Variants in MATN1 observed in about 807,000 individuals in gnomAD.
MATN1 encodes matrilin 1.
A neutral mutation model predicts 41.3 loss-of-function variants in MATN1; 34 were observed. The observed-to-expected ratio is 0.82, with a 90% CI of 0.63 to 1.10. The LOEUF (loss-of-function observed/expected upper bound fraction) is 1.10, where lower values mean the gene tolerates loss of function less well. Ranked by LOEUF, MATN1 falls within the 50% of genes least tolerant of loss-of-function variation. The pLI, the probability that MATN1 is intolerant of heterozygous loss-of-function variation, is 0.00. For missense variants in MATN1, 602 were observed against 662.4 expected, an observed-to-expected ratio of 0.91 and a Z score of 1.00; for synonymous variants, 264 against 278.7, an observed-to-expected ratio of 0.95 and a Z score of 0.53.
At position 30,716,362 on chromosome 1, in the gene MATN1, G is replaced by A. The variant is rs1299704111; in HGVS notation, c.791-37C>T. 2.5e-6 allele frequency: 4 copies of A among 1,594,214 alleles called. No individual in the cohort carries two copies. In the South Asian group the frequency reaches 4.5e-5, roughly 18 times the overall value. The stretch of plus-strand genomic sequence containing the variant: ...AGGAAGGCAACGGGCTGAAGCTGAA[G>A]GACATAGTCAACCATCCTGCTCCCC... On this transcript the variant is annotated intron_variant, in intron 4 of 7. Transcript: ENST00000373765.
chr1:30,718,829 C>T lies in MATN1; in HGVS notation c.570G>A (p.Gln190=), dbSNP rs1281322949. Residue 190 remains glutamine (Q), a synonymous_variant, in exon 3 of 8, where the codon CAG becomes CAA. Transcript: ENST00000373765. ...VGSVDKATLR[Q]IASEPQDEHV... ...GTTCGTCCTGCGGCTCGCTGGCGAT[C>T]TGCCGCAGCGTGGCCTTGTCCACGC... is the stretch of plus-strand genomic sequence containing the variant. The T allele has an allele frequency of 6.2e-7, 1 of 1,609,648 alleles. No homozygotes were observed. The highest frequency in any genetic ancestry group is 8.5e-7 in the Non-Finnish European group (1 of 1,178,884).
chr1:30,718,780 T>C lies in MATN1; in HGVS notation c.619A>G (p.Ser207Gly). Residue 207 changes from serine (S) to glycine (G), a missense_variant, in exon 3 of 8, where the codon AGC becomes GGC. Physicochemically the swap from Ser to Gly is moderately conservative, Grantham distance 56. Coordinates refer to ENST00000373765, the MANE Select transcript of MATN1 (RefSeq NM_002379.3). ...TTCCTGGACAGCTTCTCGATGACGC[T>C]GTAGCTCTCCACGTAATCGACGTGT... The part of the protein sequence containing the change: ...DEHVDYVESY[S>G]VIEKLSRKFQ... 1.2e-6 allele frequency: 2 copies of C among 1,610,022 alleles called. No homozygotes were observed. Among genetic ancestry groups the C allele is most frequent in the Non-Finnish European group, 8.5e-7 (1 of 1,178,296 alleles).
intron 3 of MATN1, among the ~76,000 whole-genome samples, chr1:30,717,228 A>G (rs1328007699): frequency 6.6e-6 from 1 of 152,254 alleles, no homozygotes; most frequent in Non-Finnish European, 1.5e-5. Flanking sequence ...TGTCTAGAAC[A>G]GCATACAATG....
In MATN1 at chr1:30,717,642, G is replaced by GTTTTTTTTTT. The variant is rs751915676; in HGVS notation, c.665-737_665-728dup. Among the ~76,000 whole-genome samples, 10 of 109,978 alleles carry GTTTTTTTTTT rather than the reference G, an allele frequency of 9.1e-5. 1 individual carries two copies. Among genetic ancestry groups the GTTTTTTTTTT allele is most frequent in the African/African-American group, 2.6e-4 (6 of 23,044 alleles). The allele number at this position is 109,978 out of a possible 152,430, so 72.1% of individuals were successfully genotyped here. ...GGCTCTGTTGTTTTTTGTGTGTGCG[G>GTTTTTTTTTT]TTTTTTTTTTTGTTTTGTTTTTTTT... On this transcript the variant is annotated intron_variant, in intron 3 of 7. Coordinates refer to ENST00000373765, the MANE Select transcript of MATN1 (RefSeq NM_002379.3).
Position 30,715,194 on chromosome 1 carries a change from G to A in MATN1, c.1323C>T (p.Asn441=). ...TCTTCTGCAACTTCTTGCCTATCTG[G>A]TTGATGGTCTTGAAGTCAGCCGTGT... The part of the protein sequence containing the change: ...YFYTADFKTI[N]QIGKKLQKKI... The change falls in exon 6 of 8, where the codon AAC becomes AAT. Residue 441 remains asparagine, a synonymous_variant. Transcript: ENST00000373765. 6.2e-7 allele frequency: 1 copy of A among 1,614,210 alleles called. No individual in the cohort carries two copies. Among genetic ancestry groups the A allele is most frequent in the East Asian group, 2.2e-5 (1 of 44,890 alleles).
At chr1:30,720,781 G>A (rs1385792851) in intron 2 of MATN1, 1 of 152,720 alleles carries the variant, frequency 6.5e-6, no homozygotes, top group Non-Finnish European at 1.5e-5. Context: ...TACAAGTCCT[G>A]GGAAACGCTC....
At chr1:30,717,699 G>GA (rs1271440356) in intron 3 of MATN1, among the ~76,000 whole-genome samples, 10 of 140,344 alleles carry the variant, frequency 7.1e-5, no homozygotes, top group African/African-American at 2.8e-4. Context: ...CTGTCGCCCA[G>GA]GCTGGAGTGC....
At chr1:30,721,891 A>G in intron 1 of MATN1, 140 bp from the exon 2 acceptor site, 1 of 653,760 alleles carries the variant, frequency 1.5e-6, no homozygotes, top group Non-Finnish European at 2.6e-6. Context: ...TGGGCAGCTG[A>G]GCCCTTTTAT....
At chr1:30,722,971 C>T (rs916155687) in intron 1 of MATN1, among the ~76,000 whole-genome samples, 3 of 152,206 alleles carry the variant, frequency 2.0e-5, no homozygotes, top group Non-Finnish European at 2.9e-5. Flanking sequence ...CTTAGGCCCT[C>T]ACTGACCTCA....
chr1:30,715,636 C>T (rs1257412378), intron 5 of MATN1, among the ~76,000 whole-genome samples: 1 of 152,272 alleles, frequency 6.6e-6, no homozygotes, highest in African/African-American at 2.4e-5. Context: ...AGTAGAGTTG[C>T]CTTCCAATAG....
rs1346527984 is a variant in MATN1 at position 30,723,570 on chromosome 1, A to G, written c.-19T>C. The stretch of plus-strand genomic sequence containing the variant: ...CCCTCATAGTTCTGGCAGCACGGGC[A>G]GCAGCCGGCACGGTTGTGGGACCAG... On this transcript the variant is annotated 5_prime_UTR_variant, in exon 1 of 8. Transcript: ENST00000373765. 1 of 1,524,792 alleles carries G rather than the reference A, an allele frequency of 6.6e-7. No individual in the cohort carries two copies. The allele number at this position is 1,524,792 out of a possible 1,614,324, so 94.5% of individuals were successfully genotyped here. A position where few individuals can be genotyped will look rare whatever the true frequency, so the allele number is the denominator to read the frequency against.
At position 30,721,468 on chromosome 1, in the gene MATN1, G is replaced by A. The variant is rs551211511; in HGVS notation, c.378C>T (p.Phe126=). The stretch of plus-strand genomic sequence containing the variant: ...CATCGCCGAAGGCTTTGGTGATAGC[G>A]AACTGGATGGCCAGGCCGGTCATGG... The part of the protein sequence containing the change: ...TGTMTGLAIQ[F]AITKAFGDAE... Residue 126 remains phenylalanine (F), a synonymous_variant, in exon 2 of 8, where the codon TTC becomes TTT. Transcript: ENST00000373765. 22 of 1,613,650 alleles carry A rather than the reference G, an allele frequency of 1.4e-5. No individual in the cohort carries two copies. The highest frequency in any genetic ancestry group is 8.0e-5 in the African/African-American group (6 of 75,070).
chr1:30,717,018 C>G, intron 3 of MATN1, 103 bp from the exon 4 acceptor site: 6 of 1,313,566 alleles, frequency 4.6e-6, no homozygotes, highest in South Asian at 3.2e-5. Context: ...CATCCAGACT[C>G]AGGGAAACTA....
Position 30,716,104 on chromosome 1 carries a change from T to C in MATN1, c.1012A>G (p.Ile338Val). 1 of 1,614,236 alleles carries C rather than the reference T, an allele frequency of 6.2e-7. No individual in the cohort carries two copies. The highest frequency in any genetic ancestry group is 8.5e-7 in the Non-Finnish European group (1 of 1,180,038). ...GACATATTCCGCACAGCCGCCTTGATGTCCTTCTTGGTGTGGAAGCGACCC... is the reference window on the plus strand; with the variant it reads ...GACATATTCCGCACAGCCGCCTTGACGTCCTTCTTGGTGTGGAAGCGACCC... ...PLGRFHTKKD[I>V]KAAVRNMSYM... The change falls in exon 5 of 8, where the codon ATC (isoleucine) becomes GTC (valine). Residue 338 changes from isoleucine to valine, a missense_variant. Transcript: ENST00000373765.
At chr1:30,718,663 AG>A in intron 3 of MATN1, 71 bp downstream of exon 3, 5 of 963,774 alleles carry the variant, frequency 5.2e-6, no homozygotes, top group Non-Finnish European at 6.6e-6. Flanking sequence ...TCCCGCCTCC[AG>A]CCCTGGCCCC....
intron 5 of MATN1, among the ~76,000 whole-genome samples, chr1:30,715,632 G>C (rs1639606995): frequency 6.6e-6 from 1 of 152,158 alleles, no homozygotes; most frequent in South Asian, 2.1e-4. Flanking sequence ...CCAAAGTAGA[G>C]TTGCCTTCCA....
At chr1:30,721,884 G>C in intron 1 of MATN1, 133 bp from the exon 2 acceptor site, 1 of 669,096 alleles carries the variant, frequency 1.5e-6, no homozygotes, top group Non-Finnish European at 2.5e-6. Flanking sequence ...CTTCAGCTGG[G>C]CAGCTGAGCC....
intron 3 of MATN1, among the ~76,000 whole-genome samples, chr1:30,718,225 T>A (rs1264896293): frequency 2.1e-5 from 3 of 145,310 alleles, no homozygotes; most frequent in South Asian, 4.5e-4. Flanking sequence ...CGACGCTGAC[T>A]TTTTCTGTCT....
At chr1:30,719,059 C>T (rs1639664001) in intron 2 of MATN1, 102 bp from the exon 3 acceptor site, 2 of 934,438 alleles carry the variant, frequency 2.1e-6, no homozygotes, top group Non-Finnish European at 3.0e-6. Flanking sequence ...TGCCGGGTCG[C>T]ACAGCCAGGC....
Sources: allele counts gnomAD v4.1 joint callset (sites outside exome capture counted in the v4.1 genomes callset), GRCh38; gene constraint gnomAD v4.1.1; transcripts MANE v1.5; gene names NCBI Gene and HGNC (gene_info 2026-07-23, HGNC 2026-07-21).